Variants in FRY observed in about 807,000 individuals in gnomAD.
FRY encodes FRY microtubule binding protein.
FRY carries 128 observed loss-of-function variants against 348.4 expected under a neutral mutation model. The observed-to-expected ratio is 0.37, with a 90% CI of 0.32 to 0.43. FRY has a LOEUF of 0.43. Among genes scored for constraint, FRY ranks in the 20% least tolerant of loss-of-function variants. The pLI, the probability that FRY is intolerant of heterozygous loss-of-function variation, is 1.00. For missense variants in FRY, 2,736 were observed against 3,695.2 expected, an observed-to-expected ratio of 0.74 and a Z score of 6.73; for synonymous variants, 1,370 against 1,374.7, an observed-to-expected ratio of 1.00 and a Z score of 0.08.
At chr13:32,217,243 C>A (rs574617426) in intron 35 of FRY, among the ~76,000 whole-genome samples, 66 of 152,236 alleles carry the variant, frequency 4.3e-4, no homozygotes, top group African/African-American at 1.6e-3. Flanking sequence ...AGCCTTAGTT[C>A]TTTGTTTTGG....
intron 51 of FRY, among the ~76,000 whole-genome samples, chr13:32,255,218 G>A (rs1887271038): frequency 6.6e-6 from 1 of 152,074 alleles, no homozygotes; most frequent in Admixed American, 6.6e-5. Flanking sequence ...CGGGCTCATG[G>A]TGTTGTCAAG....
At chr13:32,103,483 A>G (rs762873984) in intron 3 of FRY, among the ~76,000 whole-genome samples, 3 of 152,200 alleles carry the variant, frequency 2.0e-5, no homozygotes, top group Non-Finnish European at 4.4e-5. Context: ...AGGAAGGGGA[A>G]CATCACACAC....
intron 58 of FRY, among the ~76,000 whole-genome samples, chr13:32,289,424 A>T (rs1889223780): frequency 6.6e-6 from 1 of 152,224 alleles, no homozygotes; most frequent in African/African-American, 2.4e-5. Flanking sequence ...TTAGTCATCC[A>T]TTACACAAAC....
chr13:32,204,069 A>G (rs1279706809), intron 31 of FRY, among the ~76,000 whole-genome samples: 3 of 152,222 alleles, frequency 2.0e-5, no homozygotes, highest in Non-Finnish European at 4.4e-5. Flanking sequence ...CATTGCATTT[A>G]TCACTTAATA....
chr13:32,172,992 A>G (rs1033308187), intron 18 of FRY, among the ~76,000 whole-genome samples: 4 of 152,242 alleles, frequency 2.6e-5, no homozygotes, highest in African/African-American at 9.6e-5. Context: ...ATTCGATTCA[A>G]TAGTATCCAA....
At chr13:32,294,321 TC>T in intron 59 of FRY, 46 bp from the exon 60 acceptor site, 1 of 1,354,272 alleles carries the variant, frequency 7.4e-7, no homozygotes, top group Non-Finnish European at 1.0e-6. Context: ...GATGTAAAAT[TC>T]CCCCAGCACC....
intron 29 of FRY, among the ~76,000 whole-genome samples, chr13:32,200,445 G>C (rs1389075401): frequency 6.6e-6 from 1 of 152,144 alleles, no homozygotes; most frequent in East Asian, 1.9e-4. Context: ...AACTCAACCA[G>C]GTGCAGTTGT....
intron 2 of FRY, among the ~76,000 whole-genome samples, chr13:32,090,686 A>C (rs946081828): frequency 6.6e-6 from 1 of 152,224 alleles, no homozygotes; most frequent in Admixed American, 6.5e-5. Flanking sequence ...GTTGTATCTT[A>C]CATTTCTTAG....
rs117202592 is a variant in FRY, at chr13:32,192,136, T to C, written c.3592-2007T>C. On this transcript the variant is annotated intron_variant, in intron 28 of 60. Transcript: ENST00000542859. The stretch of plus-strand genomic sequence containing the variant: ...CTGGTTTTTGACCTGGTGGTGATCA[T>C]AGGAGGGTGTTAAAATGACTCATGA... 3.2e-3 allele frequency among the ~76,000 whole-genome samples: 488 copies of C among 152,278 alleles called. 29 individuals are homozygous for C. The East Asian group carries it at 0.083, about 26-fold the overall frequency.
chr13:32,202,277 C>A, intron 30 of FRY, 79 bp from the exon 31 acceptor site: 2 of 1,141,836 alleles, frequency 1.8e-6, no homozygotes, highest in East Asian at 4.7e-5. Flanking sequence ...TACTTCTAAC[C>A]TTTGTTAAAT....
chr13:32,242,681 C>T (rs1040275625), intron 46 of FRY, among the ~76,000 whole-genome samples: 1 of 152,030 alleles, frequency 6.6e-6, no homozygotes, highest in Non-Finnish European at 1.5e-5. Context: ...ATTACAGGCA[C>T]CCACCACTAC....
intron 55 of FRY, among the ~76,000 whole-genome samples, chr13:32,272,236 T>C (rs1223022110): frequency 6.6e-6 from 1 of 152,230 alleles, no homozygotes. Context: ...TTCCCAACAT[T>C]TCCCTGTAAG....
intron 41 of FRY, among the ~76,000 whole-genome samples, chr13:32,233,695 A>G (rs1886045278): frequency 6.6e-6 from 1 of 152,234 alleles, no homozygotes; most frequent in African/African-American, 2.4e-5. Context: ...AAAAAAGGAG[A>G]GTATTCTATG....
chr13:32,181,726 A>G (rs1255185244), intron 23 of FRY, among the ~76,000 whole-genome samples: 2 of 152,158 alleles, frequency 1.3e-5, no homozygotes, highest in Non-Finnish European at 2.9e-5. Flanking sequence ...TTATGCAACC[A>G]ACTAGCCTCA....
chr13:32,052,670 C>T (rs1873398506), intron 1 of FRY, among the ~76,000 whole-genome samples: 1 of 152,128 alleles, frequency 6.6e-6, no homozygotes, highest in African/African-American at 2.4e-5. Flanking sequence ...ATCCAAAACA[C>T]TTGATCTGTA....
intron 29 of FRY, among the ~76,000 whole-genome samples, chr13:32,200,884 G>A (rs950717587): frequency 2.0e-5 from 3 of 152,054 alleles, no homozygotes; most frequent in Middle Eastern, 3.4e-3. Flanking sequence ...TGTCTCTACT[G>A]TTTCTGCCCT....
In FRY at chr13:32,267,179, A is replaced by C; in HGVS notation, c.7956A>C (p.Glu2652Asp). Reference protein sequence around the residue: ...LDQFTLASFGEGDRGVSPPPS... With the variant: ...LDQFTLASFGDGDRGVSPPPS... ...TTTTCATTTTTTCCAGCTTTGGAGAAGGTGACAGGGGAGTCTCTCCCCCTC... is the reference window on the plus strand; with the variant it reads ...TTTTCATTTTTTCCAGCTTTGGAGACGGTGACAGGGGAGTCTCTCCCCCTC... The change falls in exon 55 of 61, where the codon GAA becomes GAC. Residue 2652 changes from glutamate (E) to aspartate (D), a missense_variant. Around this residue, in one of 9 missense-constraint regions of FRY, gnomAD observed 789 missense variants for 996.2 expected, o/e 0.79. Transcript: ENST00000542859. 1 of 1,614,012 alleles carries C rather than the reference A, an allele frequency of 6.2e-7. No individual in the cohort carries two copies. The highest frequency in any genetic ancestry group is 8.5e-7 in the Non-Finnish European group (1 of 1,179,860).
chr13:32,127,778 CA>C (rs529590128), intron 7 of FRY, among the ~76,000 whole-genome samples: 10 of 143,588 alleles, frequency 7.0e-5, no homozygotes, highest in Admixed American at 2.8e-4. Flanking sequence ...GAATCCATCT[CA>C]AAAAAAAAAG....
intron 58 of FRY, among the ~76,000 whole-genome samples, chr13:32,279,454 G>A (rs1326245461): frequency 6.6e-6 from 1 of 152,210 alleles, no homozygotes; most frequent in Non-Finnish European, 1.5e-5. Flanking sequence ...GAAGTTGGCA[G>A]AAGAAGCCCA....
Sources: gnomAD v4.1 joint callset for allele counts (sites outside exome capture counted in the v4.1 genomes callset) on GRCh38, gnomAD v4.1.1 for gene constraint, gnomAD v4.1.1 regional missense constraint, MANE v1.5 for transcripts, NCBI Gene and HGNC (gene_info 2026-07-23, HGNC 2026-07-21) for gene names.